Variants in ZNF180 observed in about 807,000 individuals in gnomAD.
The protein encoded by ZNF180 is zinc finger protein 180 (HHZ168).
In ZNF180, 11 loss-of-function variants were observed where a neutral mutation model predicts 11.8. The observed-to-expected ratio is 0.93, with a 90% CI of 0.59 to 1.55. The LOEUF (loss-of-function observed/expected upper bound fraction) is 1.55, where lower values mean the gene tolerates loss of function less well. Ranked by LOEUF, ZNF180 falls within the 40% of genes most tolerant of loss-of-function variation. The pLI is 0.00. For missense variants in ZNF180, 773 were observed against 781.7 expected (o/e 0.99, Z 0.13); for synonymous variants, 287 against 257.7 (o/e 1.11, Z -1.09).
chr19:44,481,697 T>C (rs1568426720), intron 3 of ZNF180, among the ~76,000 whole-genome samples: 1 of 152,234 alleles, frequency 6.6e-6, no homozygotes, highest in Non-Finnish European at 1.5e-5. Flanking sequence ...GTAACTCCAA[T>C]GCTTAGCATA....
intron 3 of ZNF180, among the ~76,000 whole-genome samples, chr19:44,479,860 T>G (rs1007127561): frequency 6.6e-6 from 1 of 152,212 alleles, no homozygotes; most frequent in African/African-American, 2.4e-5. Context: ...TCTGCTGCTA[T>G]AGCAAGAAAT....
intron 1 of ZNF180, 165 bp downstream of exon 1, chr19:44,500,110 T>C: frequency 1.3e-6 from 2 of 1,588,020 alleles, no homozygotes; most frequent in Non-Finnish European, 8.6e-7. Flanking sequence ...TCGCGGAATA[T>C]ACAGCTGTAT....
At chr19:44,488,223 TC>T in intron 2 of ZNF180, among the ~76,000 whole-genome samples, 1 of 11,618 alleles carries the variant, frequency 8.6e-5, no homozygotes, top group Admixed American at 1.3e-3. Context: ...ACGGTCTCCC[TC>T]TCCCTCTCCC....
Position 44,477,746 on chromosome 19 carries a change from T to C in ZNF180, c.654A>G (p.Leu218=). Residue 218 remains leucine (L), a synonymous_variant, in exon 5 of 5, where the codon CTA becomes CTG. Coordinates refer to ENST00000592529, the MANE Select transcript of ZNF180 (RefSeq NM_001278509.3). ...SHQKINENET[L]YENNECGKPP... ...GTTTTCCACATTCATTATTTTCATA[T>C]AGTGTCTCATTCTCATTAATCTTCT... is the stretch of plus-strand genomic sequence containing the variant. 6.2e-7 allele frequency: 1 copy of C among 1,614,058 alleles called. No homozygotes were observed.
At chr19:44,490,968 A>C (rs972281930) in intron 2 of ZNF180, among the ~76,000 whole-genome samples, 1 of 152,188 alleles carries the variant, frequency 6.6e-6, no homozygotes, top group African/African-American at 2.4e-5. Context: ...ATATCTTCAC[A>C]TCACATATAT....
At chr19:44,484,603 G>A in intron 2 of ZNF180, 168 bp from the exon 3 acceptor site, 1 of 626,552 alleles carries the variant, frequency 1.6e-6, no homozygotes, top group Non-Finnish European at 2.9e-6. Flanking sequence ...CTAACCATGT[G>A]GAGAGAGAGA....
At chr19:44,500,187 G>C in intron 1 of ZNF180, 88 bp downstream of exon 1, 1 of 1,614,122 alleles carries the variant, frequency 6.2e-7, no homozygotes, top group Non-Finnish European at 8.5e-7. Flanking sequence ...AGGTCTCCCC[G>C]CTACACTCAC....
chr19:44,478,818 A>T (rs1970001547), intron 4 of ZNF180, among the ~76,000 whole-genome samples: 1 of 152,200 alleles, frequency 6.6e-6, no homozygotes, highest in South Asian at 2.1e-4. Flanking sequence ...GGAGGTGGGA[A>T]ATGAAGAAAA....
chr19:44,494,665 C>A (rs1351612787), intron 2 of ZNF180, among the ~76,000 whole-genome samples: 1 of 151,952 alleles, frequency 6.6e-6, no homozygotes, highest in Non-Finnish European at 1.5e-5. Flanking sequence ...AGAGTGAGAC[C>A]CTGTCTCTTA....
At chr19:44,500,254 C>T (rs377396930) in intron 1 of ZNF180, 21 bp downstream of exon 1, 20 of 1,613,760 alleles carry the variant, frequency 1.2e-5, no homozygotes, top group African/African-American at 8.0e-5. Context: ...ACACCAAGCG[C>T]TGCCCCACGC....
Position 44,478,102 on chromosome 19 carries a change from T to C in ZNF180, c.298A>G (p.Arg100Gly), listed in dbSNP as rs1245217382. The C allele has an allele frequency of 6.3e-7, 1 of 1,596,842 alleles. No individual in the cohort carries two copies. The highest frequency in any genetic ancestry group is 2.3e-5 in the East Asian group (1 of 44,436). The change falls in exon 5 of 5, where the codon AGG becomes GGG. Residue 100 changes from arginine (R) to glycine (G), a missense_variant. By Grantham distance (125) the Arg-to-Gly change is moderately radical (BLOSUM62 -2). Transcript: ENST00000592529. ...TTAGCTGGTTCTTCATCAAAAATCCTCTGCTTTGAAGTTGAATCTTTTTTT... is the reference window on the plus strand; with the variant it reads ...TTAGCTGGTTCTTCATCAAAAATCCCCTGCTTTGAAGTTGAATCTTTTTTT... Reference protein sequence around the residue: ...VGKKDSTSKQRIFDEEPANGV... With the variant: ...VGKKDSTSKQGIFDEEPANGV...
chr19:44,477,691 TA>T lies in ZNF180; in HGVS notation c.708del (p.Phe236LeufsTer48), dbSNP rs1568423743. 2 of 1,613,920 alleles carry T rather than the reference TA, an allele frequency of 1.2e-6. No individual in the cohort carries two copies. The highest frequency in any genetic ancestry group is 1.7e-6 in the Non-Finnish European group (2 of 1,179,936). ...KPPQSIHLIQ[F>X]TRTQTKDKSY... is the part of the protein sequence containing the mutation. ...GATTTATCTTTTGTTTGAGTTCTTGTAAACTGAATAAGGTGAATGCTCTGAG... is the reference window on the plus strand; with the variant it reads ...GATTTATCTTTTGTTTGAGTTCTTGTAACTGAATAAGGTGAATGCTCTGAG... On this transcript the variant is annotated frameshift_variant, in exon 5 of 5. Transcript: ENST00000592529. LOFTEE classifies it low-confidence loss of function (END_TRUNC).
intron 1 of ZNF180, among the ~76,000 whole-genome samples, chr19:44,499,381 C>T (rs990477310): frequency 6.6e-6 from 1 of 152,210 alleles, no homozygotes; most frequent in Non-Finnish European, 1.5e-5. Flanking sequence ...CTCAGCAACA[C>T]CTGCTTCATA....
intron 3 of ZNF180, among the ~76,000 whole-genome samples, chr19:44,481,260 G>A (rs527989607): frequency 6.6e-6 from 1 of 152,168 alleles, no homozygotes; most frequent in East Asian, 1.9e-4. Flanking sequence ...TAGGATACAG[G>A]GTCCTGAATG....
chr19:44,493,404 T>C (rs931764095), intron 2 of ZNF180, among the ~76,000 whole-genome samples: 3 of 152,240 alleles, frequency 2.0e-5, no homozygotes, highest in Admixed American at 2.0e-4. Context: ...ACTGGACTCG[T>C]GGCCTTCGTT....
At chr19:44,491,108 T>C (rs1970439676) in intron 2 of ZNF180, among the ~76,000 whole-genome samples, 1 of 152,244 alleles carries the variant, frequency 6.6e-6, no homozygotes, top group Admixed American at 6.5e-5. Flanking sequence ...AGGCTCTTCA[T>C]AAATGTATGC....
At position 44,474,855 on chromosome 19, in the gene ZNF180, T is replaced by C. The variant is rs1385265457; in HGVS notation, c.*1547A>G. On this transcript the variant is annotated 3_prime_UTR_variant, in exon 5 of 5. Transcript: ENST00000592529. ...AAGGGATGCCCGCAGCTTTCAGTAT[T>C]TCACACTCCATGAAAACATCAGCAA... The C allele has an allele frequency of 1.3e-5, 2 of 152,214 alleles. No individual in the cohort carries two copies. Among genetic ancestry groups the C allele is most frequent in the Non-Finnish European group, 2.9e-5 (2 of 68,054 alleles). 9.4% of individuals were successfully genotyped at this position (152,214 alleles called of 1,614,324 possible). A position where few individuals can be genotyped will look rare whatever the true frequency, so the allele number is the denominator to read the frequency against.
rs112283741 is a variant in ZNF180, at chr19:44,497,299, C to T, written c.36G>A (p.Pro12=). The T allele has an allele frequency of 1.8e-4, 291 of 1,593,586 alleles. 3 individuals are homozygous for T. In the East Asian group the frequency reaches 5.5e-3, roughly 30 times the overall value. ...CTCCACTCACCTGTGCACAGACCTT[C>T]GGGGGCTCTGGGGGCTTCTCATCCT... is the stretch of plus-strand genomic sequence containing the variant. ...EEQDEKPPEP[P]KVCAQDSFLP... is the part of the protein sequence containing the mutation. Residue 12 remains proline, a synonymous_variant, in exon 2 of 5, where the codon CCG becomes CCA. Coordinates refer to ENST00000592529, the MANE Select transcript of ZNF180 (RefSeq NM_001278509.3).
intron 3 of ZNF180, among the ~76,000 whole-genome samples, chr19:44,483,089 T>C (rs1568427513): frequency 6.6e-6 from 1 of 152,264 alleles, no homozygotes; most frequent in Non-Finnish European, 1.5e-5. Context: ...CAATGTCAGA[T>C]TGCTCCACTG....
Sources: allele counts gnomAD v4.1 joint callset (sites outside exome capture counted in the v4.1 genomes callset), GRCh38; gene constraint gnomAD v4.1.1; transcripts MANE v1.5; gene names NCBI Gene and HGNC (gene_info 2026-07-23, HGNC 2026-07-21).